The following PFKP variants were observed in gnomAD, a reference collection of about 807,000 sequenced individuals.
PFKP encodes phosphofructokinase, platelet, also known as ATP-dependent 6-phosphofructokinase, platelet type.
Under a neutral mutation model 94.3 loss-of-function variants are expected in PFKP, and 101 were observed. The observed-to-expected ratio is 1.07, with a 90% CI of 0.91 to 1.26. The LOEUF (loss-of-function observed/expected upper bound fraction) is 1.26, where lower values mean the gene tolerates loss of function less well. PFKP is among the 50% of genes most tolerant of loss of function. The pLI is 0.00. For synonymous variants in PFKP, 573 were observed against 432.6 expected (o/e 1.32, Z -4.03); for missense variants, 1,145 against 1,103.3 (o/e 1.04, Z -0.53).
chr10:3,091,590 G>A (rs1303750219), intron 2 of PFKP, among the ~76,000 whole-genome samples: 1 of 152,092 alleles, frequency 6.6e-6, no homozygotes, highest in Non-Finnish European at 1.5e-5. Flanking sequence ...TGAGGCGGAT[G>A]GATCCTTTGA....
rs770782878 is a variant in PFKP at position 3,133,244 on chromosome 10, A to T, written c.1952A>T (p.Tyr651Phe). The T allele has an allele frequency of 1.2e-6, 2 of 1,614,120 alleles. No individual in the cohort carries two copies. Among genetic ancestry groups the T allele is most frequent in the East Asian group, 4.5e-5 (2 of 44,886 alleles). The change falls in exon 19 of 22, where the codon TAC becomes TTC. Residue 651 changes from tyrosine to phenylalanine, a missense_variant. Transcript: ENST00000381125. ...GAAAACTACACCACCGACTTCATTT[A>T]CCAGCTGTATTCAGAAGAGGGCAAA... ...CSENYTTDFI[Y>F]QLYSEEGKGV...
chr10:3,092,642 C>T (rs1222923955), intron 2 of PFKP, among the ~76,000 whole-genome samples: 1 of 152,010 alleles, frequency 6.6e-6, no homozygotes, highest in Non-Finnish European at 1.5e-5. Flanking sequence ...CACATGTACC[C>T]CACAAATATG....
At position 3,113,448 on chromosome 10, in the gene PFKP, G is replaced by C; in HGVS notation, c.1301G>C (p.Arg434Pro). The C allele has an allele frequency of 1.2e-6, 2 of 1,612,610 alleles. No individual in the cohort carries two copies. The highest frequency in any genetic ancestry group is 2.2e-5 in the East Asian group (1 of 44,874). The change falls in exon 13 of 22, where the codon CGC becomes CCC. Residue 434 changes from arginine (R) to proline (P), a missense_variant. Arg to Pro is a moderately radical substitution (Grantham distance 103, BLOSUM62 -2). Transcript: ENST00000381125. ...AACGCAGCCGTACGCTCAGCTGTGC[G>C]CGTGGGCATTGCCGACGGCCACAGG... is the stretch of plus-strand genomic sequence containing the variant. ...GMNAAVRSAV[R>P]VGIADGHRML...
At chr10:3,135,679 T>C in intron 20 of PFKP, 57 bp from the exon 21 acceptor site, 1 of 1,053,548 alleles carries the variant, frequency 9.5e-7, no homozygotes, top group East Asian at 2.5e-5. Context: ...GTGATTCTGC[T>C]CCCCCACCTG....
intron 1 of PFKP, chr10:3,069,496 A>G: frequency 1.0e-6 from 1 of 973,984 alleles, no homozygotes; most frequent in Non-Finnish European, 1.5e-6. Flanking sequence ...CTGGGCCGCG[A>G]AAGACAAGAA....
In PFKP at chr10:3,113,537, C is replaced by T. The variant is rs754200064; in HGVS notation, c.1371+19C>T. 21 of 1,607,908 alleles carry T rather than the reference C, an allele frequency of 1.3e-5. No individual in the cohort carries two copies. The highest frequency in any genetic ancestry group is 1.2e-4 in the African/African-American group (9 of 74,860). ...GGGCCAGGTGAGTCACCCAGGATGC[C>T]GTAGGCAGGCAGACACCCTGGCTGT... is the stretch of plus-strand genomic sequence containing the variant. On this transcript the variant is annotated intron_variant, in intron 13 of 21. Coordinates refer to ENST00000381125, the MANE Select transcript of PFKP (RefSeq NM_002627.5).
intron 15 of PFKP, 115 bp downstream of exon 15, chr10:3,118,984 A>G (rs1837117335): frequency 2.8e-6 from 2 of 721,648 alleles, no homozygotes; most frequent in Admixed American, 2.6e-5. Context: ...AGGTTCCCAG[A>G]CCCAGCGGCC....
At chr10:3,069,354 G>C (rs777373298) in intron 1 of PFKP, 21 of 1,589,014 alleles carry the variant, frequency 1.3e-5, no homozygotes, top group Non-Finnish European at 1.6e-5. Flanking sequence ...GAAATAGCCT[G>C]GCCCGCGTGA....
At chr10:3,110,507 C>A (rs1836087758) in intron 10 of PFKP, among the ~76,000 whole-genome samples, 1 of 151,876 alleles carries the variant, frequency 6.6e-6, no homozygotes, top group African/African-American at 2.4e-5. Context: ...TGAGCCACCA[C>A]GCCCAGCTGT....
At chr10:3,090,648 G>A (rs1336964732) in intron 2 of PFKP, among the ~76,000 whole-genome samples, 2 of 152,034 alleles carry the variant, frequency 1.3e-5, no homozygotes, top group African/African-American at 4.8e-5. Context: ...AATTCTTGGT[G>A]GGCGGTCCTT....
At chr10:3,117,227 G>A (rs1836924745) in intron 14 of PFKP, among the ~76,000 whole-genome samples, 1 of 152,204 alleles carries the variant, frequency 6.6e-6, no homozygotes, top group Non-Finnish European at 1.5e-5. Flanking sequence ...TAGCATTGGT[G>A]GGAAGCATAG....
intron 2 of PFKP, among the ~76,000 whole-genome samples, chr10:3,097,275 C>T (rs1487531332): frequency 2.0e-5 from 3 of 151,692 alleles, no homozygotes; most frequent in Non-Finnish European, 2.9e-5. Context: ...ACCAGTGAGT[C>T]CTTGTGTGGA....
chr10:3,079,408 G>A (rs1329171553), intron 1 of PFKP, among the ~76,000 whole-genome samples: 1 of 151,878 alleles, frequency 6.6e-6, no homozygotes, highest in Non-Finnish European at 1.5e-5. Flanking sequence ...CTAATTTTTT[G>A]TATTTTTAGT....
At chr10:3,133,553 C>T (rs1838858095) in intron 19 of PFKP, among the ~76,000 whole-genome samples, 1 of 152,186 alleles carries the variant, frequency 6.6e-6, no homozygotes, top group Non-Finnish European at 1.5e-5. Flanking sequence ...GCATCAGCCT[C>T]CCGAGGAGAT....
At chr10:3,081,185 A>G (rs1057477379) in intron 1 of PFKP, among the ~76,000 whole-genome samples, 4 of 152,236 alleles carry the variant, frequency 2.6e-5, no homozygotes, top group African/African-American at 9.6e-5. Context: ...TCAGCCAAAT[A>G]GATACTCTCA....
chr10:3,131,671 C>A (rs1000799440), intron 17 of PFKP, among the ~76,000 whole-genome samples: 6 of 152,148 alleles, frequency 3.9e-5, no homozygotes, highest in East Asian at 1.9e-4. Context: ...GTTGGCCAGG[C>A]TGCTCTCAAA....
intron 3 of PFKP, among the ~76,000 whole-genome samples, chr10:3,100,503 C>A (rs553011329): frequency 6.6e-6 from 1 of 152,082 alleles, no homozygotes; most frequent in Admixed American, 6.5e-5. Context: ...GAGCTGTGTG[C>A]GTGCACCATT....
chr10:3,067,742 G>T (rs1401129453), intron 1 of PFKP, 35 bp downstream of exon 1: 22 of 1,195,972 alleles, frequency 1.8e-5, no homozygotes, highest in Non-Finnish European at 2.4e-5. Context: ...AGGGAGGGAC[G>T]GACGGACGGA....
chr10:3,072,678 T>C (rs560203433), intron 1 of PFKP, among the ~76,000 whole-genome samples: 1 of 152,114 alleles, frequency 6.6e-6, no homozygotes, highest in East Asian at 1.9e-4. Flanking sequence ...AGAAGCATGT[T>C]TTCCCCCTTG....
Sources: allele counts gnomAD v4.1 joint callset (sites outside exome capture counted in the v4.1 genomes callset), GRCh38; gene constraint gnomAD v4.1.1; transcripts MANE v1.5; gene names NCBI Gene and HGNC (gene_info 2026-07-23, HGNC 2026-07-21).